Variants in VASH2 observed in about 807,000 individuals in gnomAD.
VASH2 encodes the protein tubulinyl-Tyr carboxypeptidase 2.
Under a neutral mutation model 37.2 loss-of-function variants are expected in VASH2, and 28 were observed. The observed-to-expected ratio is 0.75, with a 90% CI of 0.56 to 1.03. VASH2 has a LOEUF of 1.03. VASH2 is among the 50% of genes least tolerant of loss of function. The pLI is 0.00. For missense variants in VASH2, 419 were observed against 459.1 expected (o/e 0.91, Z 0.80); for synonymous variants, 188 against 174.7 (o/e 1.08, Z -0.60).
At chr1:212,961,986 C>T (rs951279203) in intron 3 of VASH2, among the ~76,000 whole-genome samples, 11 of 152,204 alleles carry the variant, frequency 7.2e-5, no homozygotes, top group Non-Finnish European at 1.6e-4. Flanking sequence ...TGCTCATGAT[C>T]TACAAGAGGC....
intron 7 of VASH2, among the ~76,000 whole-genome samples, chr1:212,984,896 T>G (rs1032364975): frequency 2.6e-5 from 4 of 152,208 alleles, no homozygotes; most frequent in African/African-American, 9.6e-5. Flanking sequence ...CCTCCCGAGT[T>G]AGAACTTGCT....
At chr1:212,967,089 G>C (rs1335583607) in intron 5 of VASH2, 1 of 1,304,080 alleles carries the variant, frequency 7.7e-7, no homozygotes. Flanking sequence ...AGACCAAGCA[G>C]TGGTGGTGTA....
Position 212,971,783 on chromosome 1 carries a change from A to G in VASH2, c.498-797A>G, listed in dbSNP as rs1476286755. Among the ~76,000 whole-genome samples the G allele has an allele frequency of 1.3e-5, 2 of 151,956 alleles. No homozygotes were observed. The highest frequency in any genetic ancestry group is 2.9e-5 in the Non-Finnish European group (2 of 67,990). ...TCCTTCTCTTCAGGGCACTTGGATT[A>G]GCTCTGGCACCGAGAGCAGCCCTTT... On this transcript the variant is annotated intron_variant, in intron 5 of 7. Coordinates refer to ENST00000517399, the MANE Select transcript of VASH2 (RefSeq NM_001301056.2). This position sits in a 1 kb window ranked among gnomAD's most constrained non-coding sequence, Gnocchi z 4.0.
intron 2 of VASH2, chr1:212,952,798 G>T (rs142489568): frequency 6.6e-6 from 1 of 152,168 alleles, no homozygotes; most frequent in Admixed American, 6.5e-5. Context: ...GACCCGGAAG[G>T]CCATCTGGTT....
rs907908245 is a variant in VASH2 at position 212,974,065 on chromosome 1, G to C, written c.990G>C (p.Glu330Asp). ...CCCCGAGGAGGCTCGGCCGGCGAGA[G>C]AAGTCGTGAGTAATATTTCCTCTTC... is the stretch of plus-strand genomic sequence containing the variant. ...ASPPRRLGRR[E>D]KSPALPEKKV... The change falls in exon 7 of 8, where the codon GAG (glutamate) becomes GAC (aspartate). Residue 330 changes from glutamate to aspartate, a missense_variant. Glu to Asp is a conservative substitution (Grantham distance 45). Transcript: ENST00000517399. The C allele has an allele frequency of 6.2e-7, 1 of 1,612,040 alleles. No homozygotes were observed. Among genetic ancestry groups the C allele is most frequent in the African/African-American group, 1.3e-5 (1 of 74,990 alleles).
At chr1:212,978,814 A>G (rs1450846619) in intron 7 of VASH2, among the ~76,000 whole-genome samples, 1 of 151,560 alleles carries the variant, frequency 6.6e-6, no homozygotes, top group African/African-American at 2.4e-5. Flanking sequence ...ATCCAGTAAG[A>G]CTATGGTTAT....
At chr1:212,961,567 C>A (rs1478160393) in intron 3 of VASH2, among the ~76,000 whole-genome samples, 2 of 152,142 alleles carry the variant, frequency 1.3e-5, no homozygotes, top group African/African-American at 4.8e-5. Context: ...CACTTCCTTT[C>A]TCTTGGGCAT....
chr1:212,983,440 GCAAAGGGGC>G (rs1168631089), intron 7 of VASH2, among the ~76,000 whole-genome samples: 4 of 152,208 alleles, frequency 2.6e-5, no homozygotes, highest in African/African-American at 9.6e-5. Flanking sequence ...GCACAAGTGT[GCAAAGGGGC>G]CAAAGTCATC....
intron 2 of VASH2, among the ~76,000 whole-genome samples, chr1:212,958,290 G>A (rs970855009): frequency 2.6e-5 from 4 of 152,134 alleles, no homozygotes; most frequent in Non-Finnish European, 4.4e-5. Context: ...TGGTCTCTGC[G>A]CCTCCCCGCC....
chr1:212,961,571 T>A (rs1666678003), intron 3 of VASH2, among the ~76,000 whole-genome samples: 1 of 152,154 alleles, frequency 6.6e-6, no homozygotes, highest in Non-Finnish European at 1.5e-5. Context: ...TCCTTTCTCT[T>A]GGGCATCTTT....
chr1:212,975,365 G>T (rs957245071), intron 7 of VASH2, among the ~76,000 whole-genome samples: 1 of 152,254 alleles, frequency 6.6e-6, no homozygotes, highest in Non-Finnish European at 1.5e-5. Context: ...GGTTGGGAAG[G>T]AGGGTGTGAG....
chr1:212,958,153 TAC>T (rs1467824613), intron 2 of VASH2, among the ~76,000 whole-genome samples: 2 of 152,172 alleles, frequency 1.3e-5, no homozygotes, highest in Non-Finnish European at 2.9e-5. Context: ...CCACCTGGTT[TAC>T]AGTCCATGGC....
chr1:212,988,487 C>T (rs2075820950), intron 7 of VASH2, 25 bp from the exon 8 acceptor site: 6 of 1,613,054 alleles, frequency 3.7e-6, no homozygotes, highest in Non-Finnish European at 5.1e-6. Context: ...CTCTCCTCCA[C>T]CATATTTCTG....
chr1:212,968,053 G>A (rs1270266291), intron 5 of VASH2: 1 of 304,242 alleles, frequency 3.3e-6, no homozygotes, highest in Non-Finnish European at 4.8e-6. Flanking sequence ...GCATGATAAT[G>A]CCACAAGGGA....
chr1:212,990,948 C>T lies in VASH2; in HGVS notation c.*2364C>T, dbSNP rs1241884437. The T allele has an allele frequency of 1.3e-5, 2 of 152,022 alleles. No individual in the cohort carries two copies. Among genetic ancestry groups the T allele is most frequent in the Admixed American group, 1.3e-4 (2 of 15,270 alleles). The allele number at this position is 152,022 out of a possible 1,614,324, so 9.4% of individuals were successfully genotyped here. On this transcript the variant is annotated 3_prime_UTR_variant, in exon 8 of 8. Coordinates refer to ENST00000517399, the MANE Select transcript of VASH2 (RefSeq NM_001301056.2). ...CAAAACAAAAAACATGTTATATGCACCCCCCTCCCAAAGCTGATTTTAAGA... is the reference window on the plus strand; with the variant it reads ...CAAAACAAAAAACATGTTATATGCATCCCCCTCCCAAAGCTGATTTTAAGA...
intron 7 of VASH2, among the ~76,000 whole-genome samples, chr1:212,985,394 C>T (rs917865258): frequency 4.0e-5 from 6 of 150,332 alleles, no homozygotes; most frequent in Non-Finnish European, 7.4e-5. Flanking sequence ...GGGCTTCCTG[C>T]TGCGCTGCCA....
At chr1:212,979,135 C>A (rs968132319) in intron 7 of VASH2, among the ~76,000 whole-genome samples, 1 of 152,196 alleles carries the variant, frequency 6.6e-6, no homozygotes, top group Non-Finnish European at 1.5e-5. Context: ...ATTCCAGCTC[C>A]CGCCATTCTG....
intron 7 of VASH2, among the ~76,000 whole-genome samples, chr1:212,980,270 T>A (rs1667305804): frequency 6.6e-6 from 1 of 152,134 alleles, no homozygotes; most frequent in South Asian, 2.1e-4. Flanking sequence ...AGATAGTGAT[T>A]TTCTGGTTTT....
intron 3 of VASH2, among the ~76,000 whole-genome samples, chr1:212,964,328 C>T (rs1237047694): frequency 6.6e-6 from 1 of 152,202 alleles, no homozygotes; most frequent in Non-Finnish European, 1.5e-5. Flanking sequence ...CGCTAGGCGC[C>T]CCTGTCACTG....
Sources: gnomAD v4.1 joint callset for allele counts (sites outside exome capture counted in the v4.1 genomes callset) on GRCh38, gnomAD v4.1.1 for gene constraint, Gnocchi (gnomAD v3.1) non-coding constraint, MANE v1.5 for transcripts, NCBI Gene and HGNC (gene_info 2026-07-23, HGNC 2026-07-21) for gene names.